TMBIM4: variants seen among roughly 807,000 people sequenced by gnomAD.
The protein encoded by TMBIM4 is protein lifeguard 4.
TMBIM4 carries 28 observed loss-of-function variants against 27.7 expected under a neutral mutation model. That is an observed-to-expected ratio of 1.01 (90% CI 0.75 to 1.38). The LOEUF is 1.38. TMBIM4 is among the 40% of genes most tolerant of loss of function. The pLI, the probability that TMBIM4 is intolerant of heterozygous loss-of-function variation, is 0.00. For synonymous variants in TMBIM4, 115 were observed against 113.1 expected, an observed-to-expected ratio of 1.02 and a Z score of -0.11; for missense variants, 265 against 277.5, an observed-to-expected ratio of 0.95 and a Z score of 0.32.
chr12:66,152,207 T>C (rs1338300292), intron 3 of TMBIM4, 64 bp downstream of exon 3: 3 of 923,218 alleles, frequency 3.2e-6, no homozygotes, highest in Non-Finnish European at 4.8e-6. Context: ...ATATGTATTA[T>C]ATATGCATTT....
chr12:66,161,864 G>A (rs2052046452), intron 1 of TMBIM4, among the ~76,000 whole-genome samples: 1 of 152,124 alleles, frequency 6.6e-6, no homozygotes, highest in Admixed American at 6.6e-5. Flanking sequence ...CATTGGAGGA[G>A]TATTTAAAAT....
intron 1 of TMBIM4, among the ~76,000 whole-genome samples, chr12:66,163,564 T>C (rs1221984967): frequency 6.6e-6 from 1 of 152,118 alleles, no homozygotes; most frequent in African/African-American, 2.4e-5. Flanking sequence ...CATCAGATCT[T>C]GTGAGAACTT....
At chr12:66,156,631 G>A (rs1215565201) in intron 1 of TMBIM4, among the ~76,000 whole-genome samples, 6 of 152,028 alleles carry the variant, frequency 3.9e-5, no homozygotes, top group East Asian at 1.9e-4. Context: ...TTAAATAATC[G>A]TTCCACTTAA....
intron 4 of TMBIM4, among the ~76,000 whole-genome samples, chr12:66,146,700 T>C (rs931321644): frequency 6.9e-6 from 1 of 145,124 alleles, no homozygotes; most frequent in Admixed American, 7.2e-5. Context: ...GGTTAACTGC[T>C]TTGAACCCAA....
intron 6 of TMBIM4, among the ~76,000 whole-genome samples, chr12:66,138,443 AC>A (rs1349167620): frequency 6.6e-6 from 1 of 152,230 alleles, no homozygotes; most frequent in Non-Finnish European, 1.5e-5. Context: ...TTCGTTTTTC[AC>A]AATTAAATGT....
At chr12:66,167,446 A>G (rs2136890307) in intron 1 of TMBIM4, among the ~76,000 whole-genome samples, 1 of 152,378 alleles carries the variant, frequency 6.6e-6, no homozygotes, top group East Asian at 1.9e-4. Flanking sequence ...AAGGACTTGA[A>G]TAACATTTCT....
intron 5 of TMBIM4, among the ~76,000 whole-genome samples, chr12:66,140,160 GAAGA>G (rs1289208826): frequency 6.6e-6 from 1 of 152,076 alleles, no homozygotes; most frequent in African/African-American, 2.4e-5. Context: ...ATAACAAGGA[GAAGA>G]AACAATCAAT....
In TMBIM4 at chr12:66,153,373, T is replaced by A. The variant is rs769372533; in HGVS notation, c.173A>T (p.Tyr58Phe). The A allele has an allele frequency of 2.2e-5, 35 of 1,597,158 alleles. No homozygotes were observed. In the South Asian group the frequency reaches 3.8e-4, roughly 17 times the overall value. Residue 58 changes from tyrosine (Y) to phenylalanine (F), a missense_variant, in exon 2 of 7, where the codon TAC (tyrosine) becomes TTC (phenylalanine). Coordinates refer to ENST00000358230, the MANE Select transcript of TMBIM4 (RefSeq NM_016056.4). ...TACAAATGTCCGTACAGACTCAAAG[T>A]ATAAAAAAACTGTTGAAGTCACTGT... is the stretch of plus-strand genomic sequence containing the variant. ...LTTVTSTVFLYFESVRTFVHE... is the reference protein window; with the variant it reads ...LTTVTSTVFLFFESVRTFVHE...
In TMBIM4 at chr12:66,147,917, CCA is replaced by C; in HGVS notation, c.335_336del (p.Val112GlyfsTer8). 2.5e-6 allele frequency: 4 copies of C among 1,610,950 alleles called. No homozygotes were observed. Among genetic ancestry groups the C allele is most frequent in the Non-Finnish European group, 3.4e-6 (4 of 1,178,374 alleles). On this transcript the variant is annotated frameshift_variant, in exon 4 of 7. Coordinates refer to ENST00000358230, the MANE Select transcript of TMBIM4 (RefSeq NM_016056.4). LOFTEE classifies it high-confidence loss of function. ...FGFTLLEALT[V>X]AVVVTFYDVY... The stretch of plus-strand genomic sequence containing the variant: ...TGCAGTTACGGCTTACCAACAACTG[CCA>C]CAGTCAGAGCTTCCAACAGCGTCTA...
In TMBIM4 at chr12:66,168,748, T is replaced by G. The variant is rs1413606468; in HGVS notation, c.97+1107A>C. 3 of 152,868 alleles carry G rather than the reference T, an allele frequency of 2.0e-5. No homozygotes were observed. In the East Asian group the frequency reaches 5.8e-4, roughly 29 times the overall value. 9.5% of individuals were successfully genotyped at this position (152,868 alleles called of 1,614,324 possible). A position where few individuals can be genotyped will look rare whatever the true frequency, so the allele number is the denominator to read the frequency against. ...GCGGCAGGACTCATCACTCTGAACC[T>G]TATTCTGGTTCCGGGACCTGCCCAA... On this transcript the variant is annotated intron_variant, in intron 1 of 6. Coordinates refer to ENST00000358230, the MANE Select transcript of TMBIM4 (RefSeq NM_016056.4).
chr12:66,160,386 T>C, intron 1 of TMBIM4: 1 of 578,136 alleles, frequency 1.7e-6, no homozygotes. Flanking sequence ...AGTAAAGTCA[T>C]AATGGAGAAA....
At chr12:66,154,505 AG>A (rs2136868563) in intron 1 of TMBIM4, among the ~76,000 whole-genome samples, 1 of 152,350 alleles carries the variant, frequency 6.6e-6, no homozygotes, top group African/African-American at 2.4e-5. Flanking sequence ...TTTACTAGTC[AG>A]GGAAGAGAAA....
At chr12:66,148,062 C>A in intron 3 of TMBIM4, 121 bp from the exon 4 acceptor site, 3 of 848,864 alleles carry the variant, frequency 3.5e-6, no homozygotes, top group Middle Eastern at 3.3e-4. Context: ...TCAAAGCAGC[C>A]CTGCGAAGTA....
chr12:66,165,261 T>TA (rs1223633097), intron 1 of TMBIM4, among the ~76,000 whole-genome samples: 1 of 151,644 alleles, frequency 6.6e-6, no homozygotes, highest in East Asian at 1.9e-4. Flanking sequence ...AAACAATATC[T>TA]AAAAAAAACA....
intron 1 of TMBIM4, among the ~76,000 whole-genome samples, chr12:66,153,964 T>C (rs151155649): frequency 6.6e-6 from 1 of 152,284 alleles, no homozygotes; most frequent in East Asian, 1.9e-4. Context: ...TCATTTATAG[T>C]ACCCCTGCCT....
At chr12:66,138,824 G>A (rs2051620399) in intron 5 of TMBIM4, 55 bp from the exon 6 acceptor site, 1 of 1,422,260 alleles carries the variant, frequency 7.0e-7, no homozygotes, top group Non-Finnish European at 9.2e-7. Flanking sequence ...AAAAAACTTT[G>A]TAAACCCATT....
chr12:66,169,798 T>C (rs2052204497), intron 1 of TMBIM4, 57 bp downstream of exon 1: 1 of 1,356,600 alleles, frequency 7.4e-7, no homozygotes, highest in South Asian at 1.5e-5. Context: ...AGTCGGCTTC[T>C]AGAGGCCGAG....
rs777751876 is a variant in TMBIM4 at position 66,138,760 on chromosome 12, A to G, written c.474T>C (p.Ala158=). Residue 158 remains alanine, a synonymous_variant, in exon 6 of 7, where the codon GCT becomes GCC. Coordinates refer to ENST00000358230, the MANE Select transcript of TMBIM4 (RefSeq NM_016056.4). ...CTGACAGGCACAATATCCACAAAAG[A>G]GCAAACAGCCTATAAAAATACAATT... The part of the protein sequence containing the change: ...DFSKFGAGLF[A]LLWILCLSGF... The G allele has an allele frequency of 4.5e-6, 7 of 1,546,792 alleles. No individual in the cohort carries two copies. In the South Asian group the frequency reaches 8.8e-5, roughly 19 times the overall value.
chr12:66,144,986 A>G (rs560845284), intron 5 of TMBIM4, among the ~76,000 whole-genome samples: 2 of 152,280 alleles, frequency 1.3e-5, no homozygotes, highest in East Asian at 3.9e-4. Flanking sequence ...TGAGAAGAGG[A>G]AGTAGAACAA....
Sources: allele counts gnomAD v4.1 joint callset (sites outside exome capture counted in the v4.1 genomes callset), GRCh38; gene constraint gnomAD v4.1.1; transcripts MANE v1.5; gene names NCBI Gene and HGNC (gene_info 2026-07-23, HGNC 2026-07-21).